CACNA2D3: variants seen among roughly 807,000 people sequenced by gnomAD.
CACNA2D3 encodes the protein calcium voltage-gated channel auxiliary subunit alpha2delta 3, also known as voltage-dependent calcium channel subunit alpha-2/delta-3.
A neutral mutation model predicts 160.6 loss-of-function variants in CACNA2D3; 60 were observed. That is an observed-to-expected ratio of 0.37 (90% confidence interval 0.30 to 0.46). The LOEUF (loss-of-function observed/expected upper bound fraction) is 0.46, where lower values mean the gene tolerates loss of function less well. Ranked by LOEUF, CACNA2D3 falls within the 20% of genes least tolerant of loss-of-function variation. The probability of loss-of-function intolerance (pLI) is 1.00; values close to 1 mark genes in which losing one functional copy is unlikely to be tolerated. For missense variants in CACNA2D3, 1,205 were observed against 1,365.0 expected, an observed-to-expected ratio of 0.88 and a Z score of 1.85; for synonymous variants, 558 against 492.9, an observed-to-expected ratio of 1.13 and a Z score of -1.75.
At chr3:54,719,166 T>TTC (rs1553802685) in intron 11 of CACNA2D3, among the ~76,000 whole-genome samples, 1 of 145,724 alleles carries the variant, frequency 6.9e-6, no homozygotes, top group Non-Finnish European at 1.5e-5. Flanking sequence ...TGGATTTCTT[T>TTC]TTTTTTTTTT....
intron 4 of CACNA2D3, among the ~76,000 whole-genome samples, chr3:54,467,889 CAAAG>C (rs1559490101): frequency 6.6e-6 from 1 of 152,008 alleles, no homozygotes; most frequent in Non-Finnish European, 1.5e-5. Context: ...GTTCTTATCA[CAAAG>C]AAATGATGAA....
At chr3:54,461,691 T>C (rs1260053374) in intron 4 of CACNA2D3, among the ~76,000 whole-genome samples, 3 of 151,652 alleles carry the variant, frequency 2.0e-5, no homozygotes, top group Admixed American at 6.6e-5. Flanking sequence ...GTCTTGGTAG[T>C]GATCTATCAG....
chr3:54,239,355 G>T (rs561893469), intron 2 of CACNA2D3, among the ~76,000 whole-genome samples: 94 of 152,320 alleles, frequency 6.2e-4, no homozygotes, highest in African/African-American at 2.2e-3. Flanking sequence ...AAAGGAAGGG[G>T]TGTAGAGCAA....
At chr3:55,048,884 T>C (rs1704122515) in intron 35 of CACNA2D3, among the ~76,000 whole-genome samples, 1 of 135,166 alleles carries the variant, frequency 7.4e-6, no homozygotes, top group Non-Finnish European at 1.6e-5. Flanking sequence ...TCTAGTTTAT[T>C]TGCGTAGAGG....
chr3:54,817,471 T>C (rs753685447), intron 14 of CACNA2D3, among the ~76,000 whole-genome samples: 1 of 152,210 alleles, frequency 6.6e-6, no homozygotes. Flanking sequence ...GTGGTTGCAG[T>C]GATGGCTTTG....
At chr3:54,142,735 A>G (rs1010327586) in intron 2 of CACNA2D3, among the ~76,000 whole-genome samples, 1 of 152,156 alleles carries the variant, frequency 6.6e-6, no homozygotes, top group African/African-American at 2.4e-5. Context: ...ATCCATATTT[A>G]ACTGATGAAG....
intron 2 of CACNA2D3, among the ~76,000 whole-genome samples, chr3:54,189,740 A>G (rs1264969608): frequency 7.9e-5 from 12 of 152,288 alleles, no homozygotes; most frequent in Middle Eastern, 3.4e-3. Flanking sequence ...CATTCACCAG[A>G]GGCCTGATCT....
chr3:55,004,740 T>G (rs1432295421), intron 31 of CACNA2D3, 23 bp from the exon 32 acceptor site: 2 of 1,550,548 alleles, frequency 1.3e-6, no homozygotes, highest in Non-Finnish European at 1.8e-6. Flanking sequence ...TTAGTGAAGC[T>G]CCCTTCCATT....
At chr3:54,288,210 A>G (rs577306627) in intron 2 of CACNA2D3, among the ~76,000 whole-genome samples, 42 of 152,328 alleles carry the variant, frequency 2.8e-4, no homozygotes, top group African/African-American at 9.9e-4. Flanking sequence ...AGAAGAATCA[A>G]ACAGATGCAA....
At chr3:54,791,608 C>T (rs1311164718) in intron 13 of CACNA2D3, among the ~76,000 whole-genome samples, 3 of 151,994 alleles carry the variant, frequency 2.0e-5, no homozygotes, top group African/African-American at 4.8e-5. Context: ...AATGAGAAAA[C>T]TGTTGGTTTA....
At chr3:54,136,782 A>G (rs1699822583) in intron 2 of CACNA2D3, among the ~76,000 whole-genome samples, 1 of 152,218 alleles carries the variant, frequency 6.6e-6, no homozygotes, top group East Asian at 1.9e-4. Flanking sequence ...GCTTGTTAAG[A>G]TGCATTATTT....
chr3:54,760,513 A>G (rs182920669), intron 12 of CACNA2D3, among the ~76,000 whole-genome samples: 84 of 152,214 alleles, frequency 5.5e-4, no homozygotes, highest in African/African-American at 1.9e-3. Context: ...AATATAAGCT[A>G]TTGTAGGATT....
chr3:55,015,027 A>G (rs895001822), intron 34 of CACNA2D3, among the ~76,000 whole-genome samples: 19 of 152,202 alleles, frequency 1.2e-4, no homozygotes, highest in African/African-American at 4.3e-4. Flanking sequence ...TTGTCAAAGG[A>G]AAAAGAATTT....
intron 2 of CACNA2D3, among the ~76,000 whole-genome samples, chr3:54,128,287 A>C (rs989554514): frequency 1.8e-4 from 28 of 152,226 alleles, no homozygotes; most frequent in African/African-American, 6.3e-4. Context: ...TTTGATGAAG[A>C]CATAGCCATA....
chr3:54,356,670 AAGTGTTGATG>A (rs978236811), intron 3 of CACNA2D3, among the ~76,000 whole-genome samples: 3 of 152,188 alleles, frequency 2.0e-5, no homozygotes, highest in Non-Finnish European at 4.4e-5. Flanking sequence ...GTTCAGCGTT[AAGTGTTGATG>A]AATATCACTC....
At chr3:54,306,752 A>C (rs1450888820) in intron 2 of CACNA2D3, among the ~76,000 whole-genome samples, 1 of 152,216 alleles carries the variant, frequency 6.6e-6, no homozygotes, top group Admixed American at 6.5e-5. Context: ...GGTGCCTGGA[A>C]GCAGCCTGGT....
intron 2 of CACNA2D3, among the ~76,000 whole-genome samples, chr3:54,280,049 CTTGTTTGTTTGT>C (rs370472128): frequency 2.0e-5 from 3 of 150,630 alleles, no homozygotes; most frequent in Non-Finnish European, 4.4e-5. Context: ...ACAAAGATGA[CTTGTTTGTTTGT>C]TTGTTTGTTT....
chr3:54,234,314 T>C (rs577671610), intron 2 of CACNA2D3, among the ~76,000 whole-genome samples: 1 of 152,244 alleles, frequency 6.6e-6, no homozygotes, highest in East Asian at 1.9e-4. Flanking sequence ...AGAATAGCTA[T>C]TATTAAAAAA....
intron 4 of CACNA2D3, among the ~76,000 whole-genome samples, chr3:54,480,458 T>C (rs561614632): frequency 5.9e-5 from 9 of 152,290 alleles, no homozygotes; most frequent in African/African-American, 2.2e-4. Context: ...TATTTTACTG[T>C]CTTGGGTCAT....
Sources: allele counts gnomAD v4.1 joint callset (sites outside exome capture counted in the v4.1 genomes callset), GRCh38; gene constraint gnomAD v4.1.1; transcripts MANE v1.5; gene names NCBI Gene and HGNC (gene_info 2026-07-23, HGNC 2026-07-21).